The following HLCS variants were observed in gnomAD, a reference collection of about 807,000 sequenced individuals.
The protein encoded by HLCS is biotin--protein ligase.
Under a neutral mutation model 75.0 loss-of-function variants are expected in HLCS, and 53 were observed. The ratio of observed to expected loss-of-function variants is 0.71; its 90% CI spans 0.57 to 0.89. The LOEUF is 0.89. Among genes scored for constraint, HLCS ranks in the 40% least tolerant of loss-of-function variants. The pLI, the probability that HLCS is intolerant of heterozygous loss-of-function variation, is 0.00. For missense variants in HLCS, 966 were observed against 1,074.0 expected, an observed-to-expected ratio of 0.90 and a Z score of 1.41; for synonymous variants, 431 against 428.6, an observed-to-expected ratio of 1.01 and a Z score of -0.07.
At chr21:36,861,891 A>G (rs1045593049) in intron 6 of HLCS, among the ~76,000 whole-genome samples, 6 of 152,074 alleles carry the variant, frequency 3.9e-5, no homozygotes, top group Admixed American at 2.0e-4. Context: ...CATCACCCCC[A>G]AAAGAAATCC....
chr21:36,797,390 AT>A (rs1163698838), intron 6 of HLCS, among the ~76,000 whole-genome samples: 2 of 151,672 alleles, frequency 1.3e-5, no homozygotes, highest in African/African-American at 4.8e-5. Context: ...AATAATATTT[AT>A]TTTTTATTAA....
At chr21:36,771,213 C>T (rs188038316) in intron 6 of HLCS, among the ~76,000 whole-genome samples, 2,236 of 129,478 alleles carry the variant, frequency 0.017, 22 homozygotes, top group Non-Finnish European at 0.026. Flanking sequence ...GAGCGAGACT[C>T]CGTCTCAAAT....
At chr21:36,960,964 C>T (rs1240595404) in intron 2 of HLCS, among the ~76,000 whole-genome samples, 1 of 152,188 alleles carries the variant, frequency 6.6e-6, no homozygotes, top group African/African-American at 2.4e-5. Context: ...GGTATTTTCA[C>T]AGCTCAGACA....
chr21:36,823,324 G>A (rs549075503), intron 6 of HLCS, among the ~76,000 whole-genome samples: 4 of 152,244 alleles, frequency 2.6e-5, no homozygotes, highest in South Asian at 2.1e-4. Flanking sequence ...GCAGTTTGCC[G>A]ACACACCATC....
At chr21:36,890,113 CT>C (rs1299671703) in intron 6 of HLCS, among the ~76,000 whole-genome samples, 1 of 152,130 alleles carries the variant, frequency 6.6e-6, no homozygotes, top group Admixed American at 6.5e-5. Flanking sequence ...AAGAAGGTGC[CT>C]TGCTTCCCTT....
chr21:36,748,882 T>C lies in HLCS; in HGVS notation c.*5364A>G, dbSNP rs138830830. On this transcript the variant is annotated 3_prime_UTR_variant, in exon 11 of 11. Coordinates refer to ENST00000674895, the MANE Select transcript of HLCS (RefSeq NM_001352514.2). ...CAGACAGTTTATGAGAATGACCCTGTCAAGCTTCATTATTACGTGGCAAAA... is the reference window on the plus strand; with the variant it reads ...CAGACAGTTTATGAGAATGACCCTGCCAAGCTTCATTATTACGTGGCAAAA... The C allele has an allele frequency of 6.5e-6, 1 of 152,738 alleles. No homozygotes were observed. Among genetic ancestry groups the C allele is most frequent in the East Asian group, 1.9e-4 (1 of 5,190 alleles). 9.5% of individuals were successfully genotyped at this position (152,738 alleles called of 1,614,324 possible).
At chr21:36,958,240 CA>C (rs146841900) in intron 2 of HLCS, among the ~76,000 whole-genome samples, 54 of 133,308 alleles carry the variant, frequency 4.1e-4, no homozygotes, top group Middle Eastern at 4.1e-3. Flanking sequence ...GAGACTGTCT[CA>C]AAAAAAAAAA....
At chr21:36,979,456 T>A (rs2069046975) in intron 1 of HLCS, among the ~76,000 whole-genome samples, 1 of 152,150 alleles carries the variant, frequency 6.6e-6, no homozygotes, top group African/African-American at 2.4e-5. Flanking sequence ...TGAATTTATG[T>A]TTCTATAGAG....
intron 6 of HLCS, among the ~76,000 whole-genome samples, chr21:36,843,089 C>A (rs2062670330): frequency 6.6e-6 from 1 of 152,208 alleles, no homozygotes; most frequent in African/African-American, 2.4e-5. Context: ...GAAATGGGAC[C>A]CAACTTCTTT....
intron 6 of HLCS, among the ~76,000 whole-genome samples, chr21:36,778,118 G>A (rs924185235): frequency 6.0e-5 from 9 of 151,214 alleles, no homozygotes; most frequent in South Asian, 2.1e-4. Context: ...ACAGGCGCCC[G>A]CCACCACGCC....
intron 6 of HLCS, among the ~76,000 whole-genome samples, chr21:36,890,818 T>C (rs555281831): frequency 4.6e-5 from 7 of 152,318 alleles, no homozygotes; most frequent in Admixed American, 2.6e-4. Flanking sequence ...AAAAGCAGTG[T>C]TATAAGTCAA....
intron 7 of HLCS, among the ~76,000 whole-genome samples, chr21:36,766,153 A>G (rs1282598469): frequency 6.6e-6 from 1 of 152,066 alleles, no homozygotes. Context: ...GCTCCCAAGT[A>G]GTTGGGACTA....
intron 6 of HLCS, among the ~76,000 whole-genome samples, chr21:36,895,626 C>CT: frequency 6.6e-6 from 1 of 152,276 alleles, no homozygotes; most frequent in Middle Eastern, 3.4e-3. Context: ...TCTGATGACT[C>CT]TAAGTGTGAC....
chr21:36,964,133 G>A (rs2068448366), intron 1 of HLCS, among the ~76,000 whole-genome samples: 1 of 152,214 alleles, frequency 6.6e-6, no homozygotes, highest in African/African-American at 2.4e-5. Context: ...GCCAAAGGAG[G>A]AGAATCACTT....
chr21:36,915,957 A>T (rs2065910636), intron 5 of HLCS, among the ~76,000 whole-genome samples: 1 of 152,028 alleles, frequency 6.6e-6, no homozygotes, highest in Non-Finnish European at 1.5e-5. Flanking sequence ...GAAAAACCAA[A>T]ACACTTTGCA....
At chr21:36,857,578 T>C (rs2063237939) in intron 6 of HLCS, among the ~76,000 whole-genome samples, 1 of 152,120 alleles carries the variant, frequency 6.6e-6, no homozygotes, top group African/African-American at 2.4e-5. Flanking sequence ...TGTCCTCACA[T>C]CGATCCTCCT....
chr21:36,799,746 C>T (rs542713581), intron 6 of HLCS, among the ~76,000 whole-genome samples: 1 of 152,258 alleles, frequency 6.6e-6, no homozygotes, highest in East Asian at 1.9e-4. Flanking sequence ...CAACAACGTC[C>T]AACACAGTTC....
At chr21:36,918,653 T>C (rs2066032879) in intron 5 of HLCS, among the ~76,000 whole-genome samples, 1 of 152,234 alleles carries the variant, frequency 6.6e-6, no homozygotes, top group Admixed American at 6.5e-5. Flanking sequence ...GGAACTCATG[T>C]TTAGTTCTGA....
At chr21:36,966,377 G>A (rs979091406) in intron 1 of HLCS, 67 bp downstream of exon 1, 95 of 664,254 alleles carry the variant, frequency 1.4e-4, no homozygotes, top group South Asian at 2.6e-4. Context: ...CGGCGGGGAC[G>A]AGGCGCAGGG....
Sources: gnomAD v4.1 joint callset for allele counts (sites outside exome capture counted in the v4.1 genomes callset) on GRCh38, gnomAD v4.1.1 for gene constraint, MANE v1.5 for transcripts, NCBI Gene and HGNC (gene_info 2026-07-23, HGNC 2026-07-21) for gene names.